Variants in MARK1 observed in about 807,000 individuals in gnomAD.
MARK1 encodes the protein serine/threonine-protein kinase MARK1.
A neutral mutation model predicts 96.3 loss-of-function variants in MARK1; 40 were observed. The observed-to-expected ratio is 0.42, with a 90% CI of 0.32 to 0.54. The LOEUF is 0.54. Ranked by LOEUF, MARK1 falls within the 20% of genes least tolerant of loss-of-function variation. MARK1 has a pLI of 0.16. For synonymous variants in MARK1, 317 were observed against 341.2 expected (o/e 0.93, Z 0.78); for missense variants, 719 against 984.6 (o/e 0.73, Z 3.61).
intron 1 of MARK1, among the ~76,000 whole-genome samples, chr1:220,546,986 A>G (rs528500331): frequency 0.074 from 9,514 of 128,362 alleles, 366 homozygotes; most frequent in Middle Eastern, 0.16. Context: ...AAAAAAAAAA[A>G]AGAAAAAAGA....
In MARK1 at chr1:220,650,657, A is replaced by G; in HGVS notation, c.1508A>G (p.Asn503Ser). The G allele has an allele frequency of 6.2e-7, 1 of 1,613,482 alleles. No homozygotes were observed. Among genetic ancestry groups the G allele is most frequent in the East Asian group, 2.2e-5 (1 of 44,854 alleles). Residue 503 changes from asparagine (N) to serine (S), a missense_variant, in exon 14 of 18, where the codon AAT becomes AGT. Around this residue, in one of 4 missense-constraint regions of MARK1, gnomAD observed 501 missense variants for 588.3 expected, o/e 0.85. Transcript: ENST00000366917. ...TCTGGAGGTAGCATGGCAAGAAGGA[A>G]TACATATGTCTGTGAAAGGACCACA... ...VYSGGSMARR[N>S]TYVCERTTDR...
At chr1:220,574,384 A>G (rs1663688858) in intron 1 of MARK1, among the ~76,000 whole-genome samples, 1 of 152,350 alleles carries the variant, frequency 6.6e-6, no homozygotes, top group East Asian at 1.9e-4. Flanking sequence ...CAATTAATAT[A>G]CAAATTTCAT....
chr1:220,662,009 A>G lies in MARK1; in HGVS notation c.2231A>G (p.His744Arg), dbSNP rs1055077848. Residue 744 changes from histidine to arginine, a missense_variant, in exon 18 of 18, where the codon CAT becomes CGT. By Grantham distance (29) the His-to-Arg change is conservative (BLOSUM62 0). Coordinates refer to ENST00000366917, the MANE Select transcript of MARK1 (RefSeq NM_018650.5). ...GAGAGATTTTTGCTTTTCTGTGTCC[A>G]TGGAGACGCTAGACAGGATAGCCTC... is the stretch of plus-strand genomic sequence containing the variant. ...QKERFLLFCVHGDARQDSLVQ... is the reference protein window; with the variant it reads ...QKERFLLFCVRGDARQDSLVQ... 1.2e-6 allele frequency: 2 copies of G among 1,614,236 alleles called. No individual in the cohort carries two copies. Among genetic ancestry groups the G allele is most frequent in the Non-Finnish European group, 1.7e-6 (2 of 1,180,032 alleles).
chr1:220,549,587 G>A lies in MARK1; in HGVS notation c.51+20714G>A, dbSNP rs551274939. On this transcript the variant is annotated intron_variant, in intron 1 of 17. Coordinates refer to ENST00000366917, the MANE Select transcript of MARK1 (RefSeq NM_018650.5). ...TTTTACTAGAATTTTTGTAGTAAGT[G>A]TAAGAGGGCCACTGTGAAGCTGAAT... Among the ~76,000 whole-genome samples the A allele has an allele frequency of 1.8e-3, 272 of 152,322 alleles. 1 individual carries two copies. The highest frequency in any genetic ancestry group is 6.1e-3 in the African/African-American group (255 of 41,570).
chr1:220,599,933 T>G (rs960796103), intron 5 of MARK1, 70 bp downstream of exon 5: 1 of 870,428 alleles, frequency 1.1e-6, no homozygotes, highest in Non-Finnish European at 1.8e-6. Context: ...TAAGAGTTCA[T>G]TATGACATTT....
intron 3 of MARK1, among the ~76,000 whole-genome samples, chr1:220,588,568 TA>T (rs1319568241): frequency 6.6e-6 from 1 of 152,178 alleles, no homozygotes; most frequent in Admixed American, 6.5e-5. Flanking sequence ...AGGAAGACCT[TA>T]AGAAGTTAGC....
rs190642608 is a variant in MARK1, at chr1:220,656,069, G to C, written c.1989-1721G>C. ...CTAACCATAGCTCATTCTTATATAG[G>C]GAACAACCCAGTTTGTTCAGTTGAG... On this transcript the variant is annotated intron_variant, in intron 16 of 17. Coordinates refer to ENST00000366917, the MANE Select transcript of MARK1 (RefSeq NM_018650.5). Among the ~76,000 whole-genome samples the C allele has an allele frequency of 2.0e-3, 299 of 152,248 alleles. 2 individuals are homozygous for C. Among genetic ancestry groups the C allele is most frequent in the Admixed American group, 2.9e-3 (44 of 15,298 alleles).
chr1:220,538,532 T>G (rs1660889040), intron 1 of MARK1, among the ~76,000 whole-genome samples: 1 of 152,238 alleles, frequency 6.6e-6, no homozygotes, highest in Admixed American at 6.5e-5. Context: ...TCTTTTGGCT[T>G]AGGATTGACT....
chr1:220,579,656 AAT>A (rs1664099162), intron 2 of MARK1, 99 bp downstream of exon 2: 1 of 900,198 alleles, frequency 1.1e-6, no homozygotes, highest in Admixed American at 1.9e-5. Flanking sequence ...TGACAGTTTC[AAT>A]ATGATTAACA....
chr1:220,638,687 T>TA (rs1013368749), intron 13 of MARK1, among the ~76,000 whole-genome samples: 6 of 151,996 alleles, frequency 3.9e-5, no homozygotes, highest in African/African-American at 1.2e-4. Context: ...ATCATTTTTT[T>TA]AAAAAAAACA....
At position 220,558,165 on chromosome 1, in the gene MARK1, A is replaced by ATAG. The variant is rs148951214; in HGVS notation, c.52-21187_52-21186insGTA. Among the ~76,000 whole-genome samples the ATAG allele has an allele frequency of 1.3e-3, 194 of 147,954 alleles. 2 individuals are homozygous for ATAG. Among genetic ancestry groups the ATAG allele is most frequent in the African/African-American group, 4.3e-3 (177 of 40,796 alleles). On this transcript the variant is annotated intron_variant, in intron 1 of 17. Transcript: ENST00000366917. ...AATAATAATAATAATAATAATAATA[A>ATAG]TAATAATAATAATATGGGAAATGGC... is the stretch of plus-strand genomic sequence containing the variant.
Position 220,528,919 on chromosome 1 carries a change from C to T in MARK1, c.51+46C>T, listed in dbSNP as rs781441588. ...TCGGGAGCAGTGGGGGCGAGACCCTCCTCTGATCCCCACTTCACCCGCGCT... is the reference window on the plus strand; with the variant it reads ...TCGGGAGCAGTGGGGGCGAGACCCTTCTCTGATCCCCACTTCACCCGCGCT... On this transcript the variant is annotated intron_variant, in intron 1 of 17. Coordinates refer to ENST00000366917, the MANE Select transcript of MARK1 (RefSeq NM_018650.5). 6 of 1,507,718 alleles carry T rather than the reference C, an allele frequency of 4.0e-6. No individual in the cohort carries two copies. The Admixed American group carries it at 1.0e-4, about 26-fold the overall frequency. The allele number at this position is 1,507,718 out of a possible 1,614,324, so 93.4% of individuals were successfully genotyped here. A position where few individuals can be genotyped will look rare whatever the true frequency, so the allele number is the denominator to read the frequency against.
intron 1 of MARK1, among the ~76,000 whole-genome samples, chr1:220,536,147 T>G (rs1660665032): frequency 6.6e-6 from 1 of 152,180 alleles, no homozygotes; most frequent in African/African-American, 2.4e-5. Context: ...TTCTAGCAGT[T>G]CTTTTTTTGG....
rs377652864 is a variant in MARK1 at position 220,528,804 on chromosome 1, A to G, written c.-19A>G. The G allele has an allele frequency of 1.1e-4, 167 of 1,548,848 alleles. No homozygotes were observed. Among genetic ancestry groups the G allele is most frequent in the Non-Finnish European group, 1.4e-4 (161 of 1,146,398 alleles). ...GCCCGGCCGGCGAGACCCCGGCCAG[A>G]CCCCGCTGCCCGCACAAAATGTCGG... On this transcript the variant is annotated 5_prime_UTR_variant, in exon 1 of 18. Coordinates refer to ENST00000366917, the MANE Select transcript of MARK1 (RefSeq NM_018650.5).
intron 13 of MARK1, among the ~76,000 whole-genome samples, chr1:220,640,168 T>G (rs900841568): frequency 1.3e-5 from 2 of 152,222 alleles, no homozygotes; most frequent in Non-Finnish European, 1.5e-5. Context: ...TTTTTACCAG[T>G]GTCAGTAGAA....
intron 1 of MARK1, among the ~76,000 whole-genome samples, chr1:220,573,234 A>G (rs1398391393): frequency 6.6e-6 from 1 of 151,142 alleles, no homozygotes; most frequent in African/African-American, 2.4e-5. Context: ...TTTCTACCCT[A>G]TTTTCTTTTA....
rs1669079919 is a variant in MARK1, at chr1:220,654,853, A to T, written c.1988+1501A>T. 6.6e-6 allele frequency among the ~76,000 whole-genome samples: 1 copy of T among 152,252 alleles called. No individual in the cohort carries two copies. The highest frequency in any genetic ancestry group is 1.5e-5 in the Non-Finnish European group (1 of 68,046). On this transcript the variant is annotated intron_variant, in intron 16 of 17. Coordinates refer to ENST00000366917, the MANE Select transcript of MARK1 (RefSeq NM_018650.5). This position sits in a 1 kb window ranked among gnomAD's most constrained non-coding sequence, Gnocchi z 4.0. ...GCAACAAAAATTTAGACTCTAGGGG[A>T]AACAGAGTACTTTGGAAAGGAAGTC...
chr1:220,611,401 C>T (rs539835789), intron 6 of MARK1, among the ~76,000 whole-genome samples: 1 of 152,362 alleles, frequency 6.6e-6, no homozygotes, highest in African/African-American at 2.4e-5. Flanking sequence ...AGAGAATCAC[C>T]TTGTCTGCTG....
At chr1:220,657,658 C>G in intron 16 of MARK1, 132 bp from the exon 17 acceptor site, 1 of 567,194 alleles carries the variant, frequency 1.8e-6, no homozygotes, top group East Asian at 3.3e-5. Flanking sequence ...TAGTCTCAGA[C>G]TGACTAGTAA....
Sources: allele counts gnomAD v4.1 joint callset (sites outside exome capture counted in the v4.1 genomes callset), GRCh38; gene constraint gnomAD v4.1.1; regional missense constraint gnomAD v4.1.1; non-coding constraint Gnocchi (gnomAD v3.1); transcripts MANE v1.5; gene names NCBI Gene and HGNC (gene_info 2026-07-23, HGNC 2026-07-21).